DPP10: variants seen among roughly 807,000 people sequenced by gnomAD.
The protein encoded by DPP10 is inactive dipeptidyl peptidase 10.
Under a neutral mutation model 120.9 loss-of-function variants are expected in DPP10, and 33 were observed. The ratio of observed to expected loss-of-function variants is 0.27; its 90% CI spans 0.21 to 0.37. DPP10 has a LOEUF of 0.37. DPP10 is among the 10% of genes least tolerant of loss of function. DPP10 has a pLI of 1.00. For missense variants in DPP10, 816 were observed against 942.8 expected (o/e 0.87, Z 1.76); for synonymous variants, 337 against 326.1 (o/e 1.03, Z -0.36).
At chr2:115,583,618 C>G (rs1558882718) in intron 5 of DPP10, among the ~76,000 whole-genome samples, 1 of 152,116 alleles carries the variant, frequency 6.6e-6, no homozygotes, top group Non-Finnish European at 1.5e-5. Flanking sequence ...GAGCGTTTTC[C>G]AAGAGACAGG....
At chr2:115,576,446 G>A (rs556882896) in intron 5 of DPP10, among the ~76,000 whole-genome samples, 52 of 152,214 alleles carry the variant, frequency 3.4e-4, no homozygotes, top group African/African-American at 9.1e-4. Context: ...TATTTTAGAC[G>A]CTAAGCACAG....
chr2:114,875,027 G>T (rs1401468619), intron 1 of DPP10, among the ~76,000 whole-genome samples: 1 of 152,034 alleles, frequency 6.6e-6, no homozygotes, highest in African/African-American at 2.4e-5. Flanking sequence ...AAAACCTTAT[G>T]CCACAATTAT....
chr2:115,512,640 T>C (rs1038866300), intron 4 of DPP10, among the ~76,000 whole-genome samples: 1 of 152,130 alleles, frequency 6.6e-6, no homozygotes, highest in Admixed American at 6.5e-5. Flanking sequence ...TGTTATTTAT[T>C]TCTTGATTCA....
At chr2:114,612,291 A>C (rs567852157) in intron 1 of DPP10, among the ~76,000 whole-genome samples, 6 of 152,068 alleles carry the variant, frequency 3.9e-5, no homozygotes, top group African/African-American at 1.4e-4. Flanking sequence ...CTTTTTATCC[A>C]GCTCCTCCTC....
rs200739022 is a variant in DPP10 at position 114,881,457 on chromosome 2, G to A, written c.61-427782G>A. 9.3e-3 allele frequency among the ~76,000 whole-genome samples: 1,337 copies of A among 144,324 alleles called. 16 individuals carry two copies. The highest frequency in any genetic ancestry group is 0.031 in the Middle Eastern group (9 of 290). The allele number at this position is 144,324 out of a possible 152,430, so 94.7% of individuals were successfully genotyped here. ...TCTTTACCTATCTGTCTGTCTGTCT[G>A]TCTATCTATCTATCTATCTATCTAT... On this transcript the variant is annotated intron_variant, in intron 1 of 25. Transcript: ENST00000410059.
intron 21 of DPP10, among the ~76,000 whole-genome samples, chr2:115,833,413 T>G (rs2150108378): frequency 6.6e-6 from 1 of 152,300 alleles, no homozygotes; most frequent in Non-Finnish European, 1.5e-5. Context: ...ATCTCTTGGC[T>G]GCAACACCCT....
chr2:115,673,713 G>A (rs577922214), intron 5 of DPP10, among the ~76,000 whole-genome samples: 1 of 152,240 alleles, frequency 6.6e-6, no homozygotes, highest in African/African-American at 2.4e-5. Context: ...TCAAACCTGT[G>A]CTTTTTACTC....
chr2:114,693,102 G>A (rs72826533), intron 1 of DPP10, among the ~76,000 whole-genome samples: 5,999 of 152,146 alleles, frequency 0.039, 156 homozygotes, highest in Middle Eastern at 0.082. Context: ...TGTTATGGGT[G>A]AATTTGATCC....
At chr2:115,076,591 C>T (rs17043982) in intron 1 of DPP10, among the ~76,000 whole-genome samples, 1 of 152,096 alleles carries the variant, frequency 6.6e-6, no homozygotes, top group African/African-American at 2.4e-5. Flanking sequence ...AATAGCACTA[C>T]GTGTACATTA....
intron 1 of DPP10, among the ~76,000 whole-genome samples, chr2:114,465,840 G>T (rs1221850078): frequency 6.6e-6 from 1 of 152,192 alleles, no homozygotes; most frequent in East Asian, 1.9e-4. Context: ...ATTTCTTTGA[G>T]TTGGGAACAT....
chr2:114,674,826 A>C (rs554378476), intron 1 of DPP10, among the ~76,000 whole-genome samples: 117 of 152,348 alleles, frequency 7.7e-4, no homozygotes, highest in South Asian at 4.1e-3. Context: ...CTGGGATTTC[A>C]TCTAAAAACG....
intron 3 of DPP10, among the ~76,000 whole-genome samples, chr2:115,479,961 A>G (rs1341729921): frequency 1.3e-5 from 2 of 152,160 alleles, no homozygotes; most frequent in Non-Finnish European, 2.9e-5. Flanking sequence ...TTCAGACCTC[A>G]GTTATTTCCC....
At position 115,275,946 on chromosome 2, in the gene DPP10, C is replaced by T. The variant is rs569608252; in HGVS notation, c.61-33293C>T. Among the ~76,000 whole-genome samples the T allele has an allele frequency of 2.9e-3, 445 of 152,200 alleles. 2 individuals are homozygous for T. Among genetic ancestry groups the T allele is most frequent in the African/African-American group, 0.01 (434 of 41,538 alleles). On this transcript the variant is annotated intron_variant, in intron 1 of 25. Transcript: ENST00000410059. ...TCTATCTCCTGACCTCGTGATCCGC[C>T]CGCCTCGGCCTCCCAAAGTGCTGGG...
At position 115,489,778 on chromosome 2, in the gene DPP10, T is replaced by C. The variant is rs140472803; in HGVS notation, c.272-9732T>C. On this transcript the variant is annotated intron_variant, in intron 3 of 25. Coordinates refer to ENST00000410059, the MANE Select transcript of DPP10 (RefSeq NM_020868.6). Reference sequence around the variant, plus strand: ...ATCTTTTGTAGGGAAAATTTGGATCTGCAGACAATCTCTATTAATGTAACC... The same window carrying C: ...ATCTTTTGTAGGGAAAATTTGGATCCGCAGACAATCTCTATTAATGTAACC... 5.3e-5 allele frequency among the ~76,000 whole-genome samples: 8 copies of C among 152,222 alleles called. 1 individual carries two copies. The East Asian group carries it at 1.4e-3, about 26-fold the overall frequency.
At chr2:115,498,366 C>T (rs937911051) in intron 3 of DPP10, among the ~76,000 whole-genome samples, 1 of 152,080 alleles carries the variant, frequency 6.6e-6, no homozygotes, top group African/African-American at 2.4e-5. Context: ...GTCAGAAAAT[C>T]TTGTTCTGCC....
intron 2 of DPP10, among the ~76,000 whole-genome samples, chr2:115,311,159 G>T (rs943826281): frequency 6.6e-6 from 1 of 152,258 alleles, no homozygotes; most frequent in Non-Finnish European, 1.5e-5. Flanking sequence ...ACCTGAGTTT[G>T]AGTTCTGCCT....
chr2:114,541,329 A>T (rs1311515967), intron 1 of DPP10, among the ~76,000 whole-genome samples: 2 of 152,188 alleles, frequency 1.3e-5, no homozygotes, highest in African/African-American at 4.8e-5. Context: ...AGCGTGATCA[A>T]CACTGGACAC....
At chr2:115,690,966 A>G (rs1367074343) in intron 7 of DPP10, among the ~76,000 whole-genome samples, 1 of 152,200 alleles carries the variant, frequency 6.6e-6, no homozygotes, top group Non-Finnish European at 1.5e-5. Flanking sequence ...ATGATGATAC[A>G]AAATAGTATT....
At chr2:115,127,260 C>T (rs961032461) in intron 1 of DPP10, among the ~76,000 whole-genome samples, 8 of 152,150 alleles carry the variant, frequency 5.3e-5, no homozygotes, top group African/African-American at 1.7e-4. Context: ...TGATTCTCTT[C>T]GTGTTAAAAT....
Sources: allele counts gnomAD v4.1 joint callset (sites outside exome capture counted in the v4.1 genomes callset), GRCh38; gene constraint gnomAD v4.1.1; transcripts MANE v1.5; gene names NCBI Gene and HGNC (gene_info 2026-07-23, HGNC 2026-07-21).